KLRD1: variants seen among roughly 807,000 people sequenced by gnomAD.
KLRD1 encodes natural killer cells antigen CD94.
Under a neutral mutation model 22.6 loss-of-function variants are expected in KLRD1, and 21 were observed. The ratio of observed to expected loss-of-function variants is 0.93; its 90% CI spans 0.66 to 1.34. KLRD1 has a LOEUF of 1.34. Among genes scored for constraint, KLRD1 ranks in the 40% most tolerant of loss-of-function variants. KLRD1 has a pLI of 0.00. For synonymous variants in KLRD1, 59 were observed against 71.1 expected, an observed-to-expected ratio of 0.83 and a Z score of 0.85; for missense variants, 183 against 208.6, an observed-to-expected ratio of 0.88 and a Z score of 0.76.
At chr12:10,257,898 G>C (rs1266149206) in intron 1 of KLRD1, among the ~76,000 whole-genome samples, 3 of 151,986 alleles carry the variant, frequency 2.0e-5, no homozygotes, top group South Asian at 2.1e-4. Flanking sequence ...GTGTACTGTA[G>C]GTCTTGGGAT....
chr12:10,309,784 T>C (rs1051197655), intron 3 of KLRD1, 96 bp downstream of exon 3: 8 of 839,984 alleles, frequency 9.5e-6, no homozygotes, highest in African/African-American at 1.7e-5. Context: ...ATATTATACT[T>C]AGTAATAGAA....
chr12:10,307,008 T>A (rs2137685155), upstream of KLRD1, among the ~76,000 whole-genome samples: 1 of 152,338 alleles, frequency 6.6e-6, no homozygotes, highest in South Asian at 2.1e-4. Flanking sequence ...GGGTGCATGG[T>A]AGATTGTATT....
At chr12:10,295,599 A>G (rs1949814457) in intron 1 of KLRD1, among the ~76,000 whole-genome samples, 2 of 152,226 alleles carry the variant, frequency 1.3e-5, no homozygotes, top group African/African-American at 4.8e-5. Flanking sequence ...TATCTGGTCA[A>G]TACTTGTACT....
chr12:10,305,894 G>A (rs1949915473), upstream of KLRD1, among the ~76,000 whole-genome samples: 1 of 152,142 alleles, frequency 6.6e-6, no homozygotes, highest in Non-Finnish European at 1.5e-5. Context: ...CGGGCACGGT[G>A]GCTCACGCCT....
chr12:10,288,744 C>T (rs181793512), intron 1 of KLRD1, among the ~76,000 whole-genome samples: 309 of 152,240 alleles, frequency 2.0e-3, no homozygotes, highest in Non-Finnish European at 4.0e-3. Context: ...AGACTACATA[C>T]ATCACTATGA....
intron 1 of KLRD1, among the ~76,000 whole-genome samples, chr12:10,273,758 A>G (rs1312648463): frequency 6.6e-6 from 1 of 152,090 alleles, no homozygotes; most frequent in Admixed American, 6.6e-5. Flanking sequence ...AAAATGATGA[A>G]AGTATAATTT....
upstream of KLRD1, among the ~76,000 whole-genome samples, chr12:10,304,732 C>T (rs1949898158): frequency 6.6e-6 from 1 of 152,026 alleles, no homozygotes; most frequent in South Asian, 2.1e-4. Context: ...TTGATTTTAC[C>T]ACTAACAATT....
intron 1 of KLRD1, among the ~76,000 whole-genome samples, chr12:10,286,746 T>C (rs1187874588): frequency 7.4e-6 from 1 of 134,992 alleles, no homozygotes; most frequent in African/African-American, 2.7e-5. Context: ...TGAGATCAAG[T>C]CATGCTCCCA....
At chr12:10,239,478 C>A (rs58886443) in intron 1 of KLRD1, among the ~76,000 whole-genome samples, 2 of 100,056 alleles carry the variant, frequency 2.0e-5, no homozygotes, top group African/African-American at 5.1e-5. Context: ...TCCTTCCTTC[C>A]TTCCTTCTTC....
In KLRD1 at chr12:10,320,990, A is replaced by C. The variant is rs368932490; in HGVS notation, c.*6197A>C. The stretch of plus-strand genomic sequence containing the variant: ...ACTTTTGAGATGACTATGTCAGTAG[A>C]AAATTGACAATGAATTGCTACCTTT... On this transcript the variant is annotated 3_prime_UTR_variant, in exon 6 of 6. Coordinates refer to ENST00000336164, the MANE Select transcript of KLRD1 (RefSeq NM_002262.5). The C allele has an allele frequency of 6.6e-6, 1 of 152,228 alleles. No individual in the cohort carries two copies. The highest frequency in any genetic ancestry group is 2.4e-5 in the African/African-American group (1 of 41,454). 9.4% of individuals were successfully genotyped at this position (152,228 alleles called of 1,614,324 possible).
At chr12:10,293,404 A>G (rs1311774376) in intron 1 of KLRD1, among the ~76,000 whole-genome samples, 2 of 151,620 alleles carry the variant, frequency 1.3e-5, no homozygotes, top group Non-Finnish European at 2.9e-5. Flanking sequence ...AATGTTATTA[A>G]CTGGCCTAAT....
intron 1 of KLRD1, among the ~76,000 whole-genome samples, chr12:10,254,524 A>G (rs562675132): frequency 1.3e-5 from 2 of 152,014 alleles, no homozygotes; most frequent in East Asian, 3.9e-4. Context: ...CTGACAAAGG[A>G]CTAATGTATA....
intron 1 of KLRD1, among the ~76,000 whole-genome samples, chr12:10,256,015 C>A (rs1949391874): frequency 1.3e-5 from 2 of 151,938 alleles, no homozygotes; most frequent in Admixed American, 1.3e-4. Context: ...ATATTTAGTG[C>A]CTATATGTTT....
intron 1 of KLRD1, among the ~76,000 whole-genome samples, chr12:10,249,601 G>A (rs1949326249): frequency 6.6e-6 from 1 of 152,054 alleles, no homozygotes; most frequent in African/African-American, 2.4e-5. Flanking sequence ...TAAATATACG[G>A]TTTGCAACCA....
chr12:10,239,240 C>G (rs922422705), intron 1 of KLRD1, among the ~76,000 whole-genome samples: 1 of 152,204 alleles, frequency 6.6e-6, no homozygotes, highest in African/African-American at 2.4e-5. Flanking sequence ...GTAAGAGAAT[C>G]TATTATATAG....
At chr12:10,256,425 G>GTTT (rs139328118) in intron 1 of KLRD1, among the ~76,000 whole-genome samples, 2 of 131,062 alleles carry the variant, frequency 1.5e-5, no homozygotes, top group African/African-American at 6.1e-5. Context: ...GTGATTAGCT[G>GTTT]TTTTTTTTTT....
chr12:10,245,556 GAATTT>G (rs1007640942), intron 1 of KLRD1, among the ~76,000 whole-genome samples: 2 of 151,988 alleles, frequency 1.3e-5, no homozygotes, highest in African/African-American at 2.4e-5. Context: ...CTCTCTGTTT[GAATTT>G]AACTATATAA....
At chr12:10,255,767 A>G (rs563069311) in intron 1 of KLRD1, among the ~76,000 whole-genome samples, 1 of 152,314 alleles carries the variant, frequency 6.6e-6, no homozygotes, top group South Asian at 2.1e-4. Context: ...TCTGTCCTGA[A>G]GAATTCTCCA....
intron 1 of KLRD1, among the ~76,000 whole-genome samples, chr12:10,269,730 T>C (rs971384536): frequency 6.6e-6 from 1 of 152,162 alleles, no homozygotes; most frequent in African/African-American, 2.4e-5. Context: ...TTTTGGGTTG[T>C]TTTTCTTTTT....
Sources: allele counts gnomAD v4.1 joint callset (sites outside exome capture counted in the v4.1 genomes callset), GRCh38; gene constraint gnomAD v4.1.1; transcripts MANE v1.5; gene names NCBI Gene and HGNC (gene_info 2026-07-23, HGNC 2026-07-21).